RAPGEF4: variants seen among roughly 807,000 people sequenced by gnomAD.
The protein encoded by RAPGEF4 is RAP guanine-nucleotide-exchange factor (GEF) 4.
In RAPGEF4, 66 loss-of-function variants were observed where a neutral mutation model predicts 147.9. The ratio of observed to expected loss-of-function variants is 0.45; its 90% CI spans 0.37 to 0.55. The LOEUF is 0.55. RAPGEF4 is among the 20% of genes least tolerant of loss of function. The pLI, the probability that RAPGEF4 is intolerant of heterozygous loss-of-function variation, is 0.00. For missense variants in RAPGEF4, 1,071 were observed against 1,257.3 expected, an observed-to-expected ratio of 0.85 and a Z score of 2.24; for synonymous variants, 419 against 442.7, an observed-to-expected ratio of 0.95 and a Z score of 0.67.
chr2:172,961,356 G>T, intron 8 of RAPGEF4, 128 bp downstream of exon 8: 1 of 685,740 alleles, frequency 1.5e-6, no homozygotes. Context: ...GTTCTGGAAG[G>T]TTAGGCTTGT....
intron 1 of RAPGEF4, among the ~76,000 whole-genome samples, chr2:172,741,527 A>T (rs1017715073): frequency 6.6e-6 from 1 of 152,228 alleles, no homozygotes; most frequent in African/African-American, 2.4e-5. Context: ...ATACTTTTTT[A>T]AAAATGACAC....
chr2:172,861,871 T>C (rs1694087139), intron 4 of RAPGEF4, among the ~76,000 whole-genome samples: 1 of 152,228 alleles, frequency 6.6e-6, no homozygotes, highest in African/African-American at 2.4e-5. Flanking sequence ...CCCAGTGCTC[T>C]GTCAAGTTTG....
rs182943771 is a variant in RAPGEF4, at chr2:172,987,677, G to A, written c.1151-519G>A. ...AATGACTTAAAGTATACAAGAAGCTGTGTGTAGACTATATGCAAATACACC... is the reference window on the plus strand; with the variant it reads ...AATGACTTAAAGTATACAAGAAGCTATGTGTAGACTATATGCAAATACACC... On this transcript the variant is annotated intron_variant, in intron 12 of 30. Transcript: ENST00000397081. Among the ~76,000 whole-genome samples, 34 of 152,308 alleles carry A rather than the reference G, an allele frequency of 2.2e-4. 2 individuals carry two copies. In the East Asian group the frequency reaches 5.6e-3, roughly 25 times the overall value.
chr2:172,764,424 TC>T (rs1270981806), intron 1 of RAPGEF4, among the ~76,000 whole-genome samples: 1 of 152,228 alleles, frequency 6.6e-6, no homozygotes, highest in Non-Finnish European at 1.5e-5. Flanking sequence ...CATCCCAAAA[TC>T]CTGGAGTCCT....
At chr2:172,749,868 A>T (rs1409561971) in intron 1 of RAPGEF4, among the ~76,000 whole-genome samples, 2 of 152,110 alleles carry the variant, frequency 1.3e-5, no homozygotes, top group Non-Finnish European at 2.9e-5. Flanking sequence ...TCTGCTAGAT[A>T]CCCTAAATCA....
At chr2:173,046,927 AT>A (rs568666930) in intron 29 of RAPGEF4, among the ~76,000 whole-genome samples, 120 of 151,642 alleles carry the variant, frequency 7.9e-4, no homozygotes, top group African/African-American at 2.7e-3. Flanking sequence ...CTCATCTATG[AT>A]TTTTTTTTAC....
chr2:172,893,259 G>A, intron 4 of RAPGEF4, among the ~76,000 whole-genome samples: 1 of 152,226 alleles, frequency 6.6e-6, no homozygotes, highest in East Asian at 1.9e-4. Context: ...CATTAGATGA[G>A]AGGATGCCTG....
At chr2:173,012,335 T>A (rs1695105943) in intron 17 of RAPGEF4, among the ~76,000 whole-genome samples, 1 of 151,992 alleles carries the variant, frequency 6.6e-6, no homozygotes, top group Non-Finnish European at 1.5e-5. Context: ...GAATTCAGAA[T>A]CTCCACTGAC....
Position 173,018,820 on chromosome 2 carries a change from T to C in RAPGEF4, c.2155+18T>C. ...CGGAGGAGGTAACAGTCTTAATTCA[T>C]ATTTTAGGCTCTGCAAAATGGGACA... On this transcript the variant is annotated intron_variant, in intron 22 of 30. Coordinates refer to ENST00000397081, the MANE Select transcript of RAPGEF4 (RefSeq NM_007023.4). 1 of 1,609,042 alleles carries C rather than the reference T, an allele frequency of 6.2e-7. No homozygotes were observed. The highest frequency in any genetic ancestry group is 8.5e-7 in the Non-Finnish European group (1 of 1,177,202).
At chr2:173,037,085 G>A (rs538121405) in intron 29 of RAPGEF4, among the ~76,000 whole-genome samples, 12 of 152,300 alleles carry the variant, frequency 7.9e-5, no homozygotes, top group Admixed American at 7.8e-4. Flanking sequence ...TAGGTAAAAG[G>A]CAATTCTACG....
chr2:172,843,876 C>A (rs1691883831), intron 4 of RAPGEF4, among the ~76,000 whole-genome samples: 2 of 152,208 alleles, frequency 1.3e-5, no homozygotes, highest in South Asian at 4.1e-4. Flanking sequence ...AGCACCAACT[C>A]CATCTGAAAA....
rs71018521 is a variant in RAPGEF4, at chr2:172,831,266, C to CTTTTTT, written c.444+16855_444+16860dup. Among the ~76,000 whole-genome samples, 43 of 53,884 alleles carry CTTTTTT rather than the reference C, an allele frequency of 8.0e-4. 1 individual carries two copies. The highest frequency in any genetic ancestry group is 3.9e-3 in the South Asian group (5 of 1,298). 35.3% of individuals were successfully genotyped at this position (53,884 alleles called of 152,430 possible). A position where few individuals can be genotyped will look rare whatever the true frequency, so the allele number is the denominator to read the frequency against. On this transcript the variant is annotated intron_variant, in intron 4 of 30. Coordinates refer to ENST00000397081, the MANE Select transcript of RAPGEF4 (RefSeq NM_007023.4). ...AAATGTGACTGTTTCAGATAGAAAA[C>CTTTTTT]TTTTTTTTTTTTTTTTTTTGAGACA...
chr2:173,001,882 G>T (rs1338689583), intron 17 of RAPGEF4, among the ~76,000 whole-genome samples: 1 of 149,700 alleles, frequency 6.7e-6, no homozygotes, highest in Non-Finnish European at 1.5e-5. Flanking sequence ...CCCACCTCCA[G>T]CATTGAGGAT....
chr2:172,806,398 A>G (rs1687501020), intron 3 of RAPGEF4, among the ~76,000 whole-genome samples: 1 of 152,202 alleles, frequency 6.6e-6, no homozygotes, highest in South Asian at 2.1e-4. Context: ...CTCCTTTGAA[A>G]TTCTATTGCC....
chr2:172,764,077 C>T (rs1340842622), intron 1 of RAPGEF4, among the ~76,000 whole-genome samples: 1 of 151,932 alleles, frequency 6.6e-6, no homozygotes, highest in African/African-American at 2.4e-5. Flanking sequence ...CACAGGGAGA[C>T]TCTTGTCTCT....
chr2:172,735,978 C>T lies in RAPGEF4; in HGVS notation c.-6C>T, dbSNP rs1344518814. 6.8e-7 allele frequency: 1 copy of T among 1,467,244 alleles called. No individual in the cohort carries two copies. The highest frequency in any genetic ancestry group is 9.0e-7 in the Non-Finnish European group (1 of 1,107,522). The allele number at this position is 1,467,244 out of a possible 1,614,324, so 90.9% of individuals were successfully genotyped here. A position where few individuals can be genotyped will look rare whatever the true frequency, so the allele number is the denominator to read the frequency against. On this transcript the variant is annotated 5_prime_UTR_variant, in exon 1 of 31. Coordinates refer to ENST00000397081, the MANE Select transcript of RAPGEF4 (RefSeq NM_007023.4). ...CAGCCAGGGACACCGCGCGCCGCCG[C>T]TCAACATGGTCGCTGCGCACGCTGC...
Position 173,036,696 on chromosome 2 carries a change from T to G in RAPGEF4, c.2853+4T>G, listed in dbSNP as rs1454053731. ...TCTAGTAAACTTTGAAAAAATGGTA[T>G]GTGCAGTATTATAACCTTAACCACA... On this transcript the variant is annotated splice_donor_region_variant and intron_variant, in intron 29 of 30. Coordinates refer to ENST00000397081, the MANE Select transcript of RAPGEF4 (RefSeq NM_007023.4). 6.3e-7 allele frequency: 1 copy of G among 1,598,378 alleles called. No homozygotes were observed. Among genetic ancestry groups the G allele is most frequent in the East Asian group, 2.2e-5 (1 of 44,748 alleles).
rs1370927974 is a variant in RAPGEF4 at position 172,997,159 on chromosome 2, C to T, written c.1579+605C>T. ...CTGTGAAGGAGAATCTGTTCCATGC[C>T]TCTCTCCTAGCCTCCTGTGGTTTGC... On this transcript the variant is annotated intron_variant, in intron 16 of 30. Coordinates refer to ENST00000397081, the MANE Select transcript of RAPGEF4 (RefSeq NM_007023.4). Among the ~76,000 whole-genome samples, 6 of 152,142 alleles carry T rather than the reference C, an allele frequency of 3.9e-5. 1 individual carries two copies. Among genetic ancestry groups the T allele is most frequent in the Non-Finnish European group, 8.8e-5 (6 of 68,006 alleles).
rs551446476 is a variant in RAPGEF4, at chr2:173,040,313, TCCCCATAAACTAACCCACCCCTAC to T, written c.2853+3629_2853+3652del. ...ATGTTGCCAGGTTTCCAAAATTTTC[TCCCCATAAACTAACCCACCCCTAC>T]CCCCATATCACCACCACTACCATCA... On this transcript the variant is annotated intron_variant, in intron 29 of 30. Coordinates refer to ENST00000397081, the MANE Select transcript of RAPGEF4 (RefSeq NM_007023.4). Among the ~76,000 whole-genome samples, 16 of 152,316 alleles carry T rather than the reference TCCCCATAAACTAACCCACCCCTAC, an allele frequency of 1.1e-4. No homozygotes were observed. The East Asian group carries it at 2.9e-3, about 28-fold the overall frequency.
Sources: allele counts gnomAD v4.1 joint callset (sites outside exome capture counted in the v4.1 genomes callset), GRCh38; gene constraint gnomAD v4.1.1; transcripts MANE v1.5; gene names NCBI Gene and HGNC (gene_info 2026-07-23, HGNC 2026-07-21).